The following FAM135A variants were observed in gnomAD, a reference collection of about 807,000 sequenced individuals.
The protein encoded by FAM135A is protein FAM135A.
Under a neutral mutation model 146.8 loss-of-function variants are expected in FAM135A, and 79 were observed. The observed-to-expected ratio is 0.54, with a 90% CI of 0.45 to 0.65. The LOEUF is 0.65. Among genes scored for constraint, FAM135A ranks in the 30% least tolerant of loss-of-function variants. FAM135A has a pLI of 0.00. For synonymous variants in FAM135A, 562 were observed against 603.6 expected (o/e 0.93, Z 1.01); for missense variants, 1,623 against 1,758.2 (o/e 0.92, Z 1.38).
In FAM135A at chr6:70,526,600, T is replaced by C; in HGVS notation, c.3516T>C (p.Ser1172=). 1 of 1,613,518 alleles carries C rather than the reference T, an allele frequency of 6.2e-7. No homozygotes were observed. The highest frequency in any genetic ancestry group is 8.5e-7 in the Non-Finnish European group (1 of 1,179,678). ...SPCNVKYSSK[S]KFDAITKQPS... is the part of the protein sequence containing the mutation. ...GTAATGTTAAATATTCTTCCAAAAG[T>C]AAATTTGATGCCATTACAAAGCAGC... Residue 1172 remains serine, a synonymous_variant, in exon 15 of 22, where the codon AGT becomes AGC. Coordinates refer to ENST00000418814, the MANE Select transcript of FAM135A (RefSeq NM_001162529.3).
intron 3 of FAM135A, among the ~76,000 whole-genome samples, chr6:70,427,015 T>C (rs1770318872): frequency 6.6e-6 from 1 of 152,158 alleles, no homozygotes; most frequent in African/African-American, 2.4e-5. Context: ...GTGAGACGTG[T>C]AGAAACATGA....
At chr6:70,438,703 G>A (rs1773777417) in intron 4 of FAM135A, among the ~76,000 whole-genome samples, 1 of 152,124 alleles carries the variant, frequency 6.6e-6, no homozygotes, top group Admixed American at 6.6e-5. Flanking sequence ...GAAAGTTCTC[G>A]ACTTTAGGAA....
intron 2 of FAM135A, among the ~76,000 whole-genome samples, chr6:70,420,184 A>G (rs909219016): frequency 1.3e-5 from 2 of 152,208 alleles, no homozygotes; most frequent in Non-Finnish European, 2.9e-5. Context: ...CAATTTGTTC[A>G]ACTTCTTTAC....
intron 12 of FAM135A, among the ~76,000 whole-genome samples, chr6:70,516,953 A>G (rs865971952): frequency 1.3e-5 from 2 of 152,282 alleles, no homozygotes; most frequent in South Asian, 2.1e-4. Context: ...ATGATGCATT[A>G]TTTACTCAAA....
chr6:70,467,064 C>T (rs940003537), intron 5 of FAM135A, among the ~76,000 whole-genome samples: 2 of 152,022 alleles, frequency 1.3e-5, no homozygotes, highest in Non-Finnish European at 2.9e-5. Flanking sequence ...CTCTCAGTTT[C>T]GTAGAGCCTA....
At chr6:70,471,809 G>T (rs1316699721) in intron 5 of FAM135A, among the ~76,000 whole-genome samples, 1 of 152,164 alleles carries the variant, frequency 6.6e-6, no homozygotes, top group African/African-American at 2.4e-5. Context: ...GATCACAGGA[G>T]TGAGGAGCTG....
chr6:70,518,794 A>G (rs1368553481), intron 12 of FAM135A, among the ~76,000 whole-genome samples: 1 of 152,234 alleles, frequency 6.6e-6, no homozygotes, highest in Admixed American at 6.5e-5. Context: ...CCTACAGTTC[A>G]GGAATAAAAA....
chr6:70,559,248 C>G (rs1301361846), intron 21 of FAM135A, among the ~76,000 whole-genome samples: 1 of 152,094 alleles, frequency 6.6e-6, no homozygotes, highest in Non-Finnish European at 1.5e-5. Context: ...CGAGACCAGC[C>G]TGGCCAACAT....
intron 11 of FAM135A, among the ~76,000 whole-genome samples, chr6:70,495,159 A>G (rs981121658): frequency 3.3e-5 from 5 of 152,208 alleles, no homozygotes; most frequent in Non-Finnish European, 5.9e-5. Flanking sequence ...TTTATTCATT[A>G]TGTCTTGACT....
intron 10 of FAM135A, among the ~76,000 whole-genome samples, chr6:70,483,630 A>G (rs1461684313): frequency 2.0e-5 from 3 of 152,184 alleles, no homozygotes; most frequent in Admixed American, 6.5e-5. Flanking sequence ...TTATGTTTCA[A>G]ATATCTTTAT....
rs149281389 is a variant in FAM135A at position 70,422,321 on chromosome 6, A to G, written c.-133-4118A>G. Among the ~76,000 whole-genome samples the G allele has an allele frequency of 3.0e-3, 458 of 152,138 alleles. 3 individuals carry two copies. Among genetic ancestry groups the G allele is most frequent in the African/African-American group, 0.011 (437 of 41,514 alleles). On this transcript the variant is annotated intron_variant, in intron 2 of 21. Transcript: ENST00000418814. ...AAGAGGATCAAACAGATCCCCTTTCACTCCAACAGTCCTCTGAATTTTTTT... is the reference window on the plus strand; with the variant it reads ...AAGAGGATCAAACAGATCCCCTTTCGCTCCAACAGTCCTCTGAATTTTTTT...
chr6:70,549,155 A>G (rs1252891257), intron 20 of FAM135A, among the ~76,000 whole-genome samples: 1 of 152,114 alleles, frequency 6.6e-6, no homozygotes, highest in Non-Finnish European at 1.5e-5. Context: ...TTTTTCCTAC[A>G]GAAATCTCAC....
chr6:70,450,713 G>GTTTTTTTTTTTTTTTT (rs1192559967), intron 4 of FAM135A, among the ~76,000 whole-genome samples: 2 of 29,780 alleles, frequency 6.7e-5, no homozygotes, highest in Non-Finnish European at 9.8e-5. Context: ...GACCCTTTTA[G>GTTTTTTTTTTTTTTTT]TTGTTTTTTT....
At position 70,433,770 on chromosome 6, in the gene FAM135A, A is replaced by G. The variant is rs190099708; in HGVS notation, c.77+5351A>G. ...TTTTTGCTTAGACTTATCGGGTGTA[A>G]TAGATTATTCAATGTTAAAAAAAGT... On this transcript the variant is annotated intron_variant, in intron 4 of 21. Coordinates refer to ENST00000418814, the MANE Select transcript of FAM135A (RefSeq NM_001162529.3). 2.0e-5 allele frequency among the ~76,000 whole-genome samples: 3 copies of G among 152,314 alleles called. No homozygotes were observed. The East Asian group carries it at 5.8e-4, about 29-fold the overall frequency.
intron 5 of FAM135A, among the ~76,000 whole-genome samples, chr6:70,473,692 C>T (rs181721197): frequency 6.6e-6 from 1 of 152,252 alleles, no homozygotes; most frequent in African/African-American, 2.4e-5. Context: ...CAAGGTCACT[C>T]CCTTATGTGG....
At chr6:70,458,693 A>C (rs1457821176) in intron 5 of FAM135A, among the ~76,000 whole-genome samples, 1 of 152,166 alleles carries the variant, frequency 6.6e-6, no homozygotes, top group Non-Finnish European at 1.5e-5. Flanking sequence ...AATATCATAG[A>C]GGATAGTGAT....
chr6:70,494,537 T>TA (rs1332722516), intron 11 of FAM135A, among the ~76,000 whole-genome samples: 1 of 152,032 alleles, frequency 6.6e-6, no homozygotes, highest in Non-Finnish European at 1.5e-5. Context: ...TGTAAAGTCT[T>TA]ATTCCTACAT....
intron 5 of FAM135A, among the ~76,000 whole-genome samples, chr6:70,459,381 C>G (rs1197324395): frequency 6.6e-6 from 1 of 152,142 alleles, no homozygotes; most frequent in African/African-American, 2.4e-5. Context: ...CATACATTTA[C>G]ATTATTTCCA....
In FAM135A at chr6:70,526,045, T is replaced by G; in HGVS notation, c.2961T>G (p.Asn987Lys). 6.2e-7 allele frequency: 1 copy of G among 1,612,376 alleles called. No individual in the cohort carries two copies. The highest frequency in any genetic ancestry group is 1.1e-5 in the South Asian group (1 of 90,804). The change falls in exon 15 of 22, where the codon AAT (asparagine) becomes AAG (lysine). Residue 987 changes from asparagine (N) to lysine (K), a missense_variant. Around this residue, in one of 7 missense-constraint regions of FAM135A, gnomAD observed 1,061 missense variants for 1,113.8 expected, o/e 0.95. Coordinates refer to ENST00000418814, the MANE Select transcript of FAM135A (RefSeq NM_001162529.3). ...PCVISGSISS[N>K]TDVSEDRTMK... ...TCATTTCAGGTTCCATTTCTAGTAATACAGATGTTAGTGAAGATAGAACTA... is the reference window on the plus strand; with the variant it reads ...TCATTTCAGGTTCCATTTCTAGTAAGACAGATGTTAGTGAAGATAGAACTA...
Sources: gnomAD v4.1 joint callset for allele counts (sites outside exome capture counted in the v4.1 genomes callset) on GRCh38, gnomAD v4.1.1 for gene constraint, gnomAD v4.1.1 regional missense constraint, MANE v1.5 for transcripts, NCBI Gene and HGNC (gene_info 2026-07-23, HGNC 2026-07-21) for gene names.